Variants in PCDHA10 observed in about 807,000 individuals in gnomAD.
The protein encoded by PCDHA10 is protocadherin alpha 10.
PCDHA10 carries 45 observed loss-of-function variants against 61.2 expected under a neutral mutation model. The ratio of observed to expected loss-of-function variants is 0.74; its 90% CI spans 0.58 to 0.94. The LOEUF is 0.94. Among genes scored for constraint, PCDHA10 ranks in the 40% least tolerant of loss-of-function variants. The pLI is 0.00. For missense variants in PCDHA10, 1,278 were observed against 1,236.2 expected (o/e 1.03, Z -0.51); for synonymous variants, 602 against 548.8 (o/e 1.10, Z -1.35).
intron 1 of PCDHA10, chr5:140,884,580 C>G: frequency 6.2e-7 from 1 of 1,614,150 alleles, no homozygotes; most frequent in Non-Finnish European, 8.5e-7. Context: ...GACCTCATGG[C>G]CTTCAGTCCC....
At chr5:140,924,670 C>A (rs2081947196) in intron 1 of PCDHA10, among the ~76,000 whole-genome samples, 1 of 151,926 alleles carries the variant, frequency 6.6e-6, no homozygotes, top group African/African-American at 2.4e-5. Flanking sequence ...CGAGGCAGGC[C>A]AATCACTTGA....
intron 1 of PCDHA10, among the ~76,000 whole-genome samples, chr5:140,965,863 A>T (rs1275095146): frequency 6.6e-6 from 1 of 152,218 alleles, no homozygotes; most frequent in Non-Finnish European, 1.5e-5. Flanking sequence ...ACTGAAAATA[A>T]GGGCCACTTG....
chr5:140,899,995 A>G (rs1449060467), intron 1 of PCDHA10, among the ~76,000 whole-genome samples: 1 of 151,872 alleles, frequency 6.6e-6, no homozygotes, highest in Non-Finnish European at 1.5e-5. Context: ...TTTTTTGTAG[A>G]GATGAGGTCT....
chr5:140,969,700 A>G (rs2096354004), intron 1 of PCDHA10, among the ~76,000 whole-genome samples: 1 of 152,178 alleles, frequency 6.6e-6, no homozygotes. Context: ...CCTCTGCTGT[A>G]TCATCTACAG....
intron 1 of PCDHA10, 191 bp downstream of exon 1, chr5:140,858,627 T>A: frequency 1.8e-6 from 2 of 1,097,414 alleles, no homozygotes; most frequent in South Asian, 1.7e-5. Flanking sequence ...ACCCAGTGTG[T>A]CAGCCTTTGA....
rs548886698 is a variant in PCDHA10 at position 140,887,948 on chromosome 5, T to A, written c.2388+29512T>A. 7.1e-4 allele frequency among the ~76,000 whole-genome samples: 108 copies of A among 152,348 alleles called. 2 individuals carry two copies. Among genetic ancestry groups the A allele is most frequent in the Admixed American group, 7.0e-3 (107 of 15,298 alleles). On this transcript the variant is annotated intron_variant, in intron 1 of 3. Transcript: ENST00000307360. ...AGACCATATTTATTTCTTATCTGTA[T>A]AAGATTCTTTTTGTCTCTTTTAAAA... is the stretch of plus-strand genomic sequence containing the variant.
chr5:140,878,627 T>C (rs2057676475), intron 1 of PCDHA10, among the ~76,000 whole-genome samples: 1 of 152,236 alleles, frequency 6.6e-6, no homozygotes, highest in Non-Finnish European at 1.5e-5. Flanking sequence ...TTACATATTT[T>C]AACTTTCTAT....
At chr5:140,884,166 C>A in intron 1 of PCDHA10, 1 of 1,613,430 alleles carries the variant, frequency 6.2e-7, no homozygotes, top group Non-Finnish European at 8.5e-7. Context: ...GAGATCAGCA[C>A]GACGCGCCCT....
chr5:140,857,427 C>G lies in PCDHA10; in HGVS notation c.1379C>G (p.Thr460Arg), dbSNP rs781871079. Residue 460 changes from threonine (T) to arginine (R), a missense_variant, in exon 1 of 4, where the codon ACG becomes AGG. Coordinates refer to ENST00000307360, the MANE Select transcript of PCDHA10 (RefSeq NM_018901.4). The stretch of plus-strand genomic sequence containing the variant: ...CCTGCGTTCGCGCAGTCCGAGTACA[C>G]GGTGTTCGTGAAGGAGAACAACCCG... ...NAPAFAQSEY[T>R]VFVKENNPPG... 49 of 1,598,334 alleles carry G rather than the reference C, an allele frequency of 3.1e-5. 4 individuals carry two copies. The highest frequency in any genetic ancestry group is 3.9e-5 in the Non-Finnish European group (46 of 1,167,894).
intron 1 of PCDHA10, chr5:140,966,642 G>A (rs897727830): frequency 8.9e-7 from 1 of 1,117,790 alleles, no homozygotes; most frequent in East Asian, 3.1e-5. Flanking sequence ...GCGCTTTCTA[G>A]AGCGTGAGCG....
At position 140,913,249 on chromosome 5, in the gene PCDHA10, A is replaced by G. The variant is rs1389386272; in HGVS notation, c.2388+54813A>G. ...CTTTGCTGGGAGACTTTTTGTTACA[A>G]CTTTGATCTAATTACTTGTTATTGG... On this transcript the variant is annotated intron_variant, in intron 1 of 3. Transcript: ENST00000307360. Among the ~76,000 whole-genome samples the G allele has an allele frequency of 4.6e-5, 7 of 152,262 alleles. No individual in the cohort carries two copies. The East Asian group carries it at 9.6e-4, about 21-fold the overall frequency.
At chr5:140,985,682 C>T (rs1261119986) in intron 3 of PCDHA10, among the ~76,000 whole-genome samples, 3 of 151,710 alleles carry the variant, frequency 2.0e-5, no homozygotes, top group African/African-American at 4.8e-5. Flanking sequence ...GCCTGCCTTA[C>T]GCTAATCCTC....
At position 141,011,314 on chromosome 5, in the gene PCDHA10, T is replaced by G. The variant is rs1269900647; in HGVS notation, c.*1377T>G. 2.0e-5 allele frequency: 3 copies of G among 153,782 alleles called. No homozygotes were observed. Among genetic ancestry groups the G allele is most frequent in the Non-Finnish European group, 4.4e-5 (3 of 68,040 alleles). 9.5% of individuals were successfully genotyped at this position (153,782 alleles called of 1,614,324 possible). On this transcript the variant is annotated 3_prime_UTR_variant, in exon 4 of 4. Coordinates refer to ENST00000307360, the MANE Select transcript of PCDHA10 (RefSeq NM_018901.4). ...CTATAACACTCTGAATTGCTAATCT[T>G]ACTAACACCTATGATGTTACCTGAA...
At chr5:140,877,376 G>C in intron 1 of PCDHA10, 1 of 1,614,014 alleles carries the variant, frequency 6.2e-7, no homozygotes, top group South Asian at 1.1e-5. Flanking sequence ...AGCACGACAC[G>C]CATCCTGGAT....
At chr5:140,867,679 G>A (rs1264964965) in intron 1 of PCDHA10, 1 of 151,996 alleles carries the variant, frequency 6.6e-6, no homozygotes, top group Non-Finnish European at 1.5e-5. Flanking sequence ...AAATTTTGTT[G>A]CATCTTCTTT....
At chr5:140,928,685 A>G (rs899513448) in intron 1 of PCDHA10, 36 of 1,614,050 alleles carry the variant, frequency 2.2e-5, no homozygotes, top group Non-Finnish European at 3.1e-5. Context: ...TGGCTTTCCT[A>G]CCACATCTCC....
chr5:140,968,955 A>G, intron 1 of PCDHA10: 2 of 1,614,220 alleles, frequency 1.2e-6, no homozygotes, highest in Non-Finnish European at 1.7e-6. Flanking sequence ...AGCATCATCA[A>G]GTGCTACCGC....
At chr5:140,862,451 C>A (rs1554156361) in intron 1 of PCDHA10, 4 of 365,784 alleles carry the variant, frequency 1.1e-5, no homozygotes, top group African/African-American at 2.1e-5. Flanking sequence ...TCCACAGCGC[C>A]CTGGACCAAG....
At chr5:140,883,507 G>A (rs782325165) in intron 1 of PCDHA10, 2 of 1,614,200 alleles carry the variant, frequency 1.2e-6, no homozygotes, top group Admixed American at 1.7e-5. Context: ...ACAGCGCCCT[G>A]GACCGCGAGA....
Sources: gnomAD v4.1 joint callset for allele counts (sites outside exome capture counted in the v4.1 genomes callset) on GRCh38, gnomAD v4.1.1 for gene constraint, MANE v1.5 for transcripts, NCBI Gene and HGNC (gene_info 2026-07-23, HGNC 2026-07-21) for gene names.